COLEC10: variants seen among roughly 807,000 people sequenced by gnomAD.
COLEC10 encodes the protein collectin-10.
Under a neutral mutation model 28.4 loss-of-function variants are expected in COLEC10, and 22 were observed. That is an observed-to-expected ratio of 0.78 (90% CI 0.55 to 1.11). The LOEUF is 1.11. Among genes scored for constraint, COLEC10 ranks in the 50% least tolerant of loss-of-function variants. The pLI is 0.00. For missense variants in COLEC10, 361 were observed against 344.1 expected, an observed-to-expected ratio of 1.05 and a Z score of -0.39; for synonymous variants, 125 against 116.1, an observed-to-expected ratio of 1.08 and a Z score of -0.49.
chr8:118,981,609 A>G, the COLEC10 span, among the ~76,000 whole-genome samples: 7 of 152,056 alleles, frequency 4.6e-5, no homozygotes, highest in East Asian at 1.9e-4. Context: ...TAGTAATTCT[A>G]TTTCTTCAGG....
At chr8:119,102,200 A>G in intron 3 of COLEC10, 148 bp from the exon 4 acceptor site, 2 of 590,636 alleles carry the variant, frequency 3.4e-6, no homozygotes, top group Middle Eastern at 4.5e-4. Flanking sequence ...CTAGATGTAA[A>G]TTCACTCCTT....
chr8:119,086,157 GA>G (rs1371272505), intron 1 of COLEC10, among the ~76,000 whole-genome samples: 3 of 152,158 alleles, frequency 2.0e-5, no homozygotes, highest in Admixed American at 6.5e-5. Flanking sequence ...TCCTATCTAA[GA>G]AAATGCGGTC....
chr8:119,090,955 TACTC>T (rs1037973818), intron 2 of COLEC10, among the ~76,000 whole-genome samples, 190 bp from the exon 3 acceptor site: 2 of 152,198 alleles, frequency 1.3e-5, no homozygotes, highest in Non-Finnish European at 2.9e-5. Context: ...TATATATTCA[TACTC>T]ACTCACATTT....
chr8:118,960,045 CA>C, the COLEC10 span, among the ~76,000 whole-genome samples: 11 of 152,254 alleles, frequency 7.2e-5, no homozygotes, highest in East Asian at 1.9e-3. Flanking sequence ...GAAGGTGTTT[CA>C]AACATTAGCA....
chr8:118,975,992 C>T, the COLEC10 span, among the ~76,000 whole-genome samples: 1 of 152,042 alleles, frequency 6.6e-6, no homozygotes, highest in South Asian at 2.1e-4. Context: ...GACTCCCTCT[C>T]ATTGTAAGGA....
chr8:119,076,154 G>A (rs994126111), intron 1 of COLEC10, among the ~76,000 whole-genome samples: 7 of 143,154 alleles, frequency 4.9e-5, no homozygotes, highest in Non-Finnish European at 7.5e-5. Context: ...CTCGTGATCC[G>A]CCTGCCTCGG....
the COLEC10 span, among the ~76,000 whole-genome samples, chr8:118,954,327 A>C: frequency 1.3e-5 from 2 of 152,254 alleles, no homozygotes; most frequent in African/African-American, 2.4e-5. Context: ...GACAGAGACC[A>C]TGAATTATCA....
At chr8:119,015,207 T>C (rs1042970494) in intron 2 of COLEC10, among the ~76,000 whole-genome samples, 1 of 151,014 alleles carries the variant, frequency 6.6e-6, no homozygotes, top group Admixed American at 6.6e-5. Context: ...TGTGGTGATA[T>C]GGTGGGGAGG....
intron 1 of COLEC10, among the ~76,000 whole-genome samples, chr8:119,071,880 A>G (rs1359088894): frequency 1.3e-5 from 2 of 152,196 alleles, no homozygotes; most frequent in Non-Finnish European, 2.9e-5. Context: ...ATTTCAAAAT[A>G]TCCTCTAAGT....
chr8:118,968,776 C>T, the COLEC10 span, among the ~76,000 whole-genome samples: 7 of 151,960 alleles, frequency 4.6e-5, no homozygotes, highest in East Asian at 1.4e-3. Context: ...CTCCCTGGCC[C>T]CCTACCCCCA....
intron 2 of COLEC10, among the ~76,000 whole-genome samples, chr8:119,012,569 A>G (rs900516224): frequency 1.3e-5 from 2 of 150,510 alleles, no homozygotes; most frequent in Admixed American, 6.6e-5. Flanking sequence ...GATATATTTG[A>G]TAGAATTCAC....
intron 2 of COLEC10, among the ~76,000 whole-genome samples, chr8:119,020,379 A>G (rs1458541542): frequency 6.6e-6 from 1 of 152,188 alleles, no homozygotes; most frequent in East Asian, 1.9e-4. Flanking sequence ...TCAATAAAAT[A>G]TTCCCTATTC....
chr8:118,970,841 C>T, the COLEC10 span, among the ~76,000 whole-genome samples: 1 of 151,920 alleles, frequency 6.6e-6, no homozygotes, highest in African/African-American at 2.4e-5. Flanking sequence ...GCAACTTGAT[C>T]AATGAGCACA....
chr8:118,956,871 T>C, the COLEC10 span, among the ~76,000 whole-genome samples: 1 of 152,148 alleles, frequency 6.6e-6, no homozygotes, highest in Non-Finnish European at 1.5e-5. Flanking sequence ...CTCTTAAAAC[T>C]ATTTTCTTAA....
Position 119,079,645 on chromosome 8 carries a change from G to T in COLEC10, c.149-10035G>T, listed in dbSNP as rs548384037. On this transcript the variant is annotated intron_variant, in intron 1 of 5. Transcript: ENST00000332843. ...CCACTTACTCAGACATGCAATGACT[G>T]CAAAATAATTGCAGGCTCCAAGTGA... Among the ~76,000 whole-genome samples the T allele has an allele frequency of 1.8e-4, 20 of 111,086 alleles. 1 individual carries two copies. The South Asian group carries it at 6.5e-3, about 36-fold the overall frequency. 72.9% of individuals were successfully genotyped at this position (111,086 alleles called of 152,430 possible). A position where few individuals can be genotyped will look rare whatever the true frequency, so the allele number is the denominator to read the frequency against.
chr8:119,029,495 T>C (rs1424324110), intron 2 of COLEC10, among the ~76,000 whole-genome samples: 4 of 152,140 alleles, frequency 2.6e-5, no homozygotes, highest in Non-Finnish European at 5.9e-5. Flanking sequence ...TGTGATTATA[T>C]ACAGACACAC....
chr8:119,042,347 G>T (rs1239679072), intron 2 of COLEC10, among the ~76,000 whole-genome samples: 3 of 152,044 alleles, frequency 2.0e-5, no homozygotes, highest in Admixed American at 2.0e-4. Flanking sequence ...TGCAGCAGTT[G>T]TACTTTATAA....
intron 1 of COLEC10, among the ~76,000 whole-genome samples, chr8:119,070,533 CAT>C (rs1815093996): frequency 2.9e-5 from 2 of 68,314 alleles, no homozygotes; most frequent in East Asian, 5.1e-4. Context: ...TCCCTCCCTC[CAT>C]CTCTCTCTCC....
intron 1 of COLEC10, among the ~76,000 whole-genome samples, chr8:119,000,938 G>T (rs1813685722): frequency 6.6e-6 from 1 of 152,126 alleles, no homozygotes; most frequent in Non-Finnish European, 1.5e-5. Flanking sequence ...GCAGTGATGG[G>T]ACCACAATCA....
Sources: allele counts gnomAD v4.1 joint callset (sites outside exome capture counted in the v4.1 genomes callset), GRCh38; gene constraint gnomAD v4.1.1; transcripts MANE v1.5; gene names NCBI Gene and HGNC (gene_info 2026-07-23, HGNC 2026-07-21).